Variants in C13orf46 observed in about 807,000 individuals in gnomAD.
C13orf46 encodes the protein uncharacterized protein C13orf46.
At chr13:113,969,713 G>A (rs2052684027) in intron 2 of C13orf46, among the ~76,000 whole-genome samples, 1 of 152,218 alleles carries the variant, frequency 6.6e-6, no homozygotes, top group African/African-American at 2.4e-5. Flanking sequence ...AACGGGACGC[G>A]AGGTGCAGGG....
chr13:113,934,466 G>A, the C13orf46 span, among the ~76,000 whole-genome samples: 119 of 152,304 alleles, frequency 7.8e-4, no homozygotes, highest in African/African-American at 2.8e-3. Flanking sequence ...ATTAGAAGAA[G>A]GGGTCTTGCA....
rs1326879452 is a variant in C13orf46, at chr13:113,956,066, G to A, written c.*707C>T. ...GAGAGGAGTAGGATCTGGCGGAGAG[G>A]AGGAGTAGGATCTGGCGGAGAGGTG... On this transcript the variant is annotated 3_prime_UTR_variant, in exon 7 of 7. Coordinates refer to ENST00000636427, the MANE Select transcript of C13orf46 (RefSeq NM_001365455.2). The A allele has an allele frequency of 1.3e-5, 2 of 159,860 alleles. No individual in the cohort carries two copies. The highest frequency in any genetic ancestry group is 2.7e-5 in the Non-Finnish European group (2 of 74,408). The allele number at this position is 159,860 out of a possible 1,614,324, so 9.9% of individuals were successfully genotyped here.
At chr13:113,963,645 T>A (rs2052610323) in intron 6 of C13orf46, among the ~76,000 whole-genome samples, 2 of 76,588 alleles carry the variant, frequency 2.6e-5, no homozygotes, top group South Asian at 4.6e-4. Context: ...CTCCTCAGCC[T>A]CGCCCGTCCT....
chr13:113,929,861 G>T, the C13orf46 span, among the ~76,000 whole-genome samples: 1 of 152,224 alleles, frequency 6.6e-6, no homozygotes, highest in Non-Finnish European at 1.5e-5. Context: ...CAATGGAAAA[G>T]CTGCATTCAG....
At chr13:113,959,050 G>T (rs1157290369) in intron 6 of C13orf46, among the ~76,000 whole-genome samples, 1 of 152,332 alleles carries the variant, frequency 6.6e-6, no homozygotes, top group East Asian at 1.9e-4. Flanking sequence ...GTTGAGGCAG[G>T]TGGATCACTT....
chr13:113,966,885 G>A (rs1241044747), intron 5 of C13orf46, among the ~76,000 whole-genome samples: 4 of 152,034 alleles, frequency 2.6e-5, no homozygotes, highest in South Asian at 2.1e-4. Context: ...CCTGGAATGC[G>A]GGTACTAATA....
At chr13:113,945,577 G>GAAAGAAAGAAAGAA in the C13orf46 span, among the ~76,000 whole-genome samples, 20 of 127,410 alleles carry the variant, frequency 1.6e-4, no homozygotes, top group African/African-American at 3.9e-4. Context: ...AAGAAAGAAA[G>GAAAGAAAGAAAGAA]AGAGAGAGAG....
At chr13:113,946,307 G>GT in the C13orf46 span, among the ~76,000 whole-genome samples, 142 of 152,312 alleles carry the variant, frequency 9.3e-4, no homozygotes, top group Middle Eastern at 6.8e-3. Flanking sequence ...TCTAACTCAC[G>GT]TAACAGGACC....
chr13:113,959,138 T>C (rs969180968), intron 6 of C13orf46, among the ~76,000 whole-genome samples: 18 of 152,074 alleles, frequency 1.2e-4, no homozygotes, highest in Admixed American at 1.2e-3. Flanking sequence ...TAGCTGGGCA[T>C]GATGGCACTT....
the C13orf46 span, among the ~76,000 whole-genome samples, chr13:113,946,043 G>A: frequency 8.9e-4 from 135 of 152,346 alleles, 1 homozygote; most frequent in African/African-American, 2.7e-3. Context: ...ACCGCTGCCC[G>A]TTCACCGTGA....
chr13:113,942,835 G>A, the C13orf46 span, among the ~76,000 whole-genome samples: 9 of 152,314 alleles, frequency 5.9e-5, no homozygotes, highest in East Asian at 5.8e-4. Flanking sequence ...GTCCTCTGGC[G>A]TCTCCTTGGA....
chr13:113,965,513 T>A (rs1166401871), intron 5 of C13orf46, among the ~76,000 whole-genome samples: 1 of 152,176 alleles, frequency 6.6e-6, no homozygotes, highest in African/African-American at 2.4e-5. Flanking sequence ...CTCTTCTTCT[T>A]ACAGATAAGG....
chr13:113,969,155 G>A (rs1429362766), intron 2 of C13orf46, among the ~76,000 whole-genome samples: 1 of 152,254 alleles, frequency 6.6e-6, no homozygotes, highest in African/African-American at 2.4e-5. Flanking sequence ...TAGGCTGGAG[G>A]GTCCACGGTT....
At chr13:113,938,648 T>C in the C13orf46 span, among the ~76,000 whole-genome samples, 1 of 152,222 alleles carries the variant, frequency 6.6e-6, no homozygotes, top group African/African-American at 2.4e-5. Context: ...TCAAGCGTCC[T>C]GGGGGTTCAG....
chr13:113,965,359 CTG>C (rs2052625368), intron 5 of C13orf46, among the ~76,000 whole-genome samples: 1 of 152,232 alleles, frequency 6.6e-6, no homozygotes. Flanking sequence ...TGGAAAATAA[CTG>C]ACCCCCAGGA....
chr13:113,936,618 T>C, the C13orf46 span, among the ~76,000 whole-genome samples: 1 of 152,190 alleles, frequency 6.6e-6, no homozygotes, highest in African/African-American at 2.4e-5. Context: ...AGTTTTATTG[T>C]TACTCACATC....
At position 113,954,892 on chromosome 13, in the gene C13orf46, G is replaced by A. The variant is rs925892322; in HGVS notation, c.*1881C>T. 4.7e-5 allele frequency: 9 copies of A among 190,140 alleles called. No homozygotes were observed. The highest frequency in any genetic ancestry group is 7.9e-5 in the South Asian group (1 of 12,696). 11.8% of individuals were successfully genotyped at this position (190,140 alleles called of 1,614,324 possible). A position where few individuals can be genotyped will look rare whatever the true frequency, so the allele number is the denominator to read the frequency against. On this transcript the variant is annotated 3_prime_UTR_variant, in exon 7 of 7. Transcript: ENST00000636427. Reference sequence around the variant, plus strand: ...GGGAGGAGGAGCATCTGGCAGAGACGAGGAGCATCTGGCGGAGACGAGGAG... The same window carrying A: ...GGGAGGAGGAGCATCTGGCAGAGACAAGGAGCATCTGGCGGAGACGAGGAG...
chr13:113,940,211 G>T, the C13orf46 span, among the ~76,000 whole-genome samples: 1 of 152,232 alleles, frequency 6.6e-6, no homozygotes, highest in African/African-American at 2.4e-5. Context: ...GTGCAGCAGG[G>T]GCCTGGGCCG....
At chr13:113,970,873 A>C (rs1410879871) in intron 1 of C13orf46, among the ~76,000 whole-genome samples, 1 of 152,254 alleles carries the variant, frequency 6.6e-6, no homozygotes, top group Non-Finnish European at 1.5e-5. Context: ...TGCTCCCGGC[A>C]GGAACCCAAG....
Sources: gnomAD v4.1 joint callset for allele counts (sites outside exome capture counted in the v4.1 genomes callset) on GRCh38, gnomAD v4.1.1 for gene constraint, MANE v1.5 for transcripts, NCBI Gene and HGNC (gene_info 2026-07-23, HGNC 2026-07-21) for gene names.